The following DTD1 variants were observed in gnomAD, a reference collection of about 807,000 sequenced individuals.
DTD1 encodes D-tyrosyl-tRNA deacylase 1 homolog.
Under a neutral mutation model 25.6 loss-of-function variants are expected in DTD1, and 13 were observed. The ratio of observed to expected loss-of-function variants is 0.51; its 90% CI spans 0.33 to 0.81. DTD1 has a LOEUF of 0.81. Among genes scored for constraint, DTD1 ranks in the 30% least tolerant of loss-of-function variants. DTD1 has a pLI of 0.02. For missense variants in DTD1, 193 were observed against 266.4 expected, an observed-to-expected ratio of 0.72 and a Z score of 1.92; for synonymous variants, 110 against 103.6, an observed-to-expected ratio of 1.06 and a Z score of -0.37.
At chr20:18,640,391 A>G (rs1195532133) in intron 4 of DTD1, among the ~76,000 whole-genome samples, 1 of 152,120 alleles carries the variant, frequency 6.6e-6, no homozygotes, top group African/African-American at 2.4e-5. Context: ...AATATTTTTG[A>G]CAATAACTCT....
At chr20:18,716,163 C>A (rs1018112162) in intron 4 of DTD1, among the ~76,000 whole-genome samples, 1 of 152,130 alleles carries the variant, frequency 6.6e-6, no homozygotes, top group African/African-American at 2.4e-5. Flanking sequence ...CAAATGTAAC[C>A]CATGTGGTTT....
At chr20:18,612,276 C>T (rs112274092) in intron 3 of DTD1, among the ~76,000 whole-genome samples, 31 of 152,044 alleles carry the variant, frequency 2.0e-4, no homozygotes, top group Middle Eastern at 3.4e-3. Flanking sequence ...CCTCGTGATC[C>T]GCCCGCCTCG....
intron 4 of DTD1, among the ~76,000 whole-genome samples, chr20:18,645,748 G>T (rs951899007): frequency 5.9e-5 from 9 of 152,168 alleles, no homozygotes; most frequent in Non-Finnish European, 1.2e-4. Context: ...GTGGCCTTCA[G>T]CCTGAAAAAT....
At chr20:18,681,653 G>A (rs1360284443) in intron 4 of DTD1, among the ~76,000 whole-genome samples, 1 of 152,122 alleles carries the variant, frequency 6.6e-6, no homozygotes, top group African/African-American at 2.4e-5. Flanking sequence ...TGCCAATTTA[G>A]AACTCTAAAT....
At chr20:18,611,726 C>G (rs6081243) in intron 3 of DTD1, among the ~76,000 whole-genome samples, 77,574 of 151,986 alleles carry the variant, frequency 0.51, 20,176 homozygotes, top group Middle Eastern at 0.56. Flanking sequence ...CGGCTCTCTT[C>G]GTTCCTGTTG....
chr20:18,694,201 C>A (rs1600373498), intron 4 of DTD1, among the ~76,000 whole-genome samples: 1 of 152,154 alleles, frequency 6.6e-6, no homozygotes, highest in African/African-American at 2.4e-5. Flanking sequence ...GGGTGAGGAA[C>A]AAGGTGTGAG....
chr20:18,763,386 C>A lies in DTD1; in HGVS notation c.*46C>A, dbSNP rs1449435394. 1 of 152,594 alleles carries A rather than the reference C, an allele frequency of 6.6e-6. No homozygotes were observed. Among genetic ancestry groups the A allele is most frequent in the Non-Finnish European group, 1.5e-5 (1 of 68,036 alleles). 9.5% of individuals were successfully genotyped at this position (152,594 alleles called of 1,614,324 possible). On this transcript the variant is annotated 3_prime_UTR_variant, in exon 6 of 6. Transcript: ENST00000377452. ...GTGTTATCATTGGGCAGAACTGGAT[C>A]CTGAAAAATTCAAGATGCTAAGCAC... is the stretch of plus-strand genomic sequence containing the variant.
intron 4 of DTD1, among the ~76,000 whole-genome samples, chr20:18,738,340 G>A (rs942293532): frequency 6.6e-6 from 1 of 152,148 alleles, no homozygotes; most frequent in Admixed American, 6.5e-5. Context: ...ATGGGCATGT[G>A]GTGTAAGATT....
chr20:18,691,723 C>T (rs1393009756), intron 4 of DTD1, among the ~76,000 whole-genome samples: 1 of 152,072 alleles, frequency 6.6e-6, no homozygotes, highest in Non-Finnish European at 1.5e-5. Context: ...ACACAATATA[C>T]CCAGGTAACA....
At chr20:18,718,107 A>T (rs555191833) in intron 4 of DTD1, among the ~76,000 whole-genome samples, 2 of 152,216 alleles carry the variant, frequency 1.3e-5, no homozygotes, top group South Asian at 4.1e-4. Context: ...ACCAGTCTTT[A>T]CCAGTTTATC....
chr20:18,698,357 T>C (rs1349175607), intron 4 of DTD1: 1 of 152,246 alleles, frequency 6.6e-6, no homozygotes, highest in Non-Finnish European at 1.5e-5. Flanking sequence ...TAACATCTTC[T>C]ATTACTTTGA....
intron 4 of DTD1, among the ~76,000 whole-genome samples, chr20:18,717,573 A>G (rs567747528): frequency 1.3e-5 from 2 of 152,230 alleles, no homozygotes; most frequent in South Asian, 2.1e-4. Flanking sequence ...CAGTTTGCAA[A>G]TTTTCAAATT....
At chr20:18,628,668 A>G (rs552785076) in intron 4 of DTD1, among the ~76,000 whole-genome samples, 6 of 152,354 alleles carry the variant, frequency 3.9e-5, no homozygotes, top group South Asian at 4.1e-4. Context: ...TTTCTAAAGC[A>G]GTGTCTGACC....
intron 4 of DTD1, among the ~76,000 whole-genome samples, chr20:18,651,507 G>A (rs1431456109): frequency 6.6e-6 from 1 of 152,162 alleles, no homozygotes; most frequent in African/African-American, 2.4e-5. Context: ...GTCTTTCTGT[G>A]GCTCCTTTGC....
chr20:18,590,694 A>G (rs570332719), intron 1 of DTD1, among the ~76,000 whole-genome samples: 34 of 152,260 alleles, frequency 2.2e-4, no homozygotes, highest in African/African-American at 7.7e-4. Flanking sequence ...GCTGGTCTCA[A>G]ATTCCTGGCC....
intron 4 of DTD1, among the ~76,000 whole-genome samples, chr20:18,707,067 T>C (rs1439985374): frequency 2.0e-5 from 3 of 152,210 alleles, no homozygotes; most frequent in Non-Finnish European, 4.4e-5. Flanking sequence ...CAAATGTCTC[T>C]CACTGTTCCC....
At chr20:18,663,027 G>T (rs1289574506) in intron 4 of DTD1, among the ~76,000 whole-genome samples, 2 of 152,168 alleles carry the variant, frequency 1.3e-5, no homozygotes, top group African/African-American at 4.8e-5. Context: ...CTCTGGTTAT[G>T]CCCAGTGGTC....
chr20:18,735,081 C>T (rs2061250787), intron 4 of DTD1, among the ~76,000 whole-genome samples: 1 of 152,162 alleles, frequency 6.6e-6, no homozygotes, highest in South Asian at 2.1e-4. Context: ...TGACTTGCAC[C>T]ATAAGACTTT....
chr20:18,716,768 C>A (rs1319536626), intron 4 of DTD1, among the ~76,000 whole-genome samples: 1 of 152,212 alleles, frequency 6.6e-6, no homozygotes, highest in Non-Finnish European at 1.5e-5. Context: ...CTGCTGCTAG[C>A]CTACTGTTGA....
Sources: allele counts gnomAD v4.1 joint callset (sites outside exome capture counted in the v4.1 genomes callset), GRCh38; gene constraint gnomAD v4.1.1; transcripts MANE v1.5; gene names NCBI Gene and HGNC (gene_info 2026-07-23, HGNC 2026-07-21).